The following PREX1 variants were observed in gnomAD, a reference collection of about 807,000 sequenced individuals.
The protein encoded by PREX1 is phosphatidylinositol-3,4,5-trisphosphate dependent Rac exchange factor 1.
In PREX1, 41 loss-of-function variants were observed where a neutral mutation model predicts 198.3. The observed-to-expected ratio is 0.21, with a 90% CI of 0.16 to 0.27. The LOEUF (loss-of-function observed/expected upper bound fraction) is 0.27. Among genes scored for constraint, PREX1 ranks in the 10% least tolerant of loss-of-function variants. The pLI, the probability that PREX1 is intolerant of heterozygous loss-of-function variation, is 1.00. For missense variants in PREX1, 1,620 were observed against 2,200.7 expected (o/e 0.74, Z 5.28); for synonymous variants, 843 against 887.2 (o/e 0.95, Z 0.89).
At chr20:48,730,009 G>A (rs73911662) in intron 4 of PREX1, among the ~76,000 whole-genome samples, 10,988 of 152,128 alleles carry the variant, frequency 0.072, 462 homozygotes, top group Middle Eastern at 0.14. Context: ...GCTGCCACAA[G>A]CCAGGGAGCA....
At chr20:48,701,876 G>C (rs768083861) in intron 6 of PREX1, among the ~76,000 whole-genome samples, 1 of 152,116 alleles carries the variant, frequency 6.6e-6, no homozygotes, top group Non-Finnish European at 1.5e-5. Context: ...GCGTGGCTGG[G>C]AAAGGCATCA....
At chr20:48,635,416 C>T (rs2089354658) in intron 32 of PREX1, among the ~76,000 whole-genome samples, 1 of 152,228 alleles carries the variant, frequency 6.6e-6, no homozygotes, top group Admixed American at 6.5e-5. Context: ...AATTATATCA[C>T]TCACCCAGCT....
intron 14 of PREX1, 141 bp downstream of exon 14, chr20:48,676,052 A>AG: frequency 1.1e-6 from 1 of 890,246 alleles, no homozygotes; most frequent in Non-Finnish European, 1.7e-6. Context: ...AAAAAAAAAA[A>AG]AGATCAAGAT....
chr20:48,710,143 T>C (rs1287686368), intron 5 of PREX1, among the ~76,000 whole-genome samples: 2 of 152,286 alleles, frequency 1.3e-5, no homozygotes, highest in South Asian at 2.1e-4. Context: ...AGCAGCACCA[T>C]ATCCTGAAAA....
chr20:48,691,227 C>T lies in PREX1; in HGVS notation c.1037-131G>A. On this transcript the variant is annotated intron_variant, in intron 8 of 39. Coordinates refer to ENST00000371941, the MANE Select transcript of PREX1 (RefSeq NM_020820.4). This position sits in a 1 kb window ranked among gnomAD's most constrained non-coding sequence, Gnocchi z 5.0. ...GGATCAGGATGGGGAGCTGGACTTCCAGCCCTTCAAACGCTCACTTCTTAT... is the reference window on the plus strand; with the variant it reads ...GGATCAGGATGGGGAGCTGGACTTCTAGCCCTTCAAACGCTCACTTCTTAT... 8.6e-7 allele frequency: 1 copy of T among 1,160,226 alleles called. No homozygotes were observed. The highest frequency in any genetic ancestry group is 1.2e-6 in the Non-Finnish European group (1 of 802,258). The allele number at this position is 1,160,226 out of a possible 1,614,324, so 71.9% of individuals were successfully genotyped here.
chr20:48,656,914 G>T, intron 18 of PREX1, 126 bp downstream of exon 18: 1 of 1,243,270 alleles, frequency 8.0e-7, no homozygotes, highest in South Asian at 1.5e-5. Context: ...GGTCCAGCTT[G>T]TGTTGTGTGA....
At chr20:48,777,689 G>A (rs1471443853) in intron 1 of PREX1, among the ~76,000 whole-genome samples, 5 of 152,134 alleles carry the variant, frequency 3.3e-5, no homozygotes, top group Admixed American at 1.3e-4. Context: ...GCTTGGGGCC[G>A]GCAGCTGTAC....
chr20:48,769,744 A>G (rs886327650), intron 1 of PREX1, among the ~76,000 whole-genome samples: 6 of 151,866 alleles, frequency 4.0e-5, no homozygotes, highest in African/African-American at 1.5e-4. Context: ...CTCAAACGTC[A>G]CCTCCTCAGT....
intron 11 of PREX1, among the ~76,000 whole-genome samples, chr20:48,680,974 C>A (rs1357946598): frequency 6.6e-6 from 1 of 152,186 alleles, no homozygotes; most frequent in Non-Finnish European, 1.5e-5. Context: ...AAAACTTAAC[C>A]AAATGGTTCT....
chr20:48,820,235 G>A (rs1212252808), intron 1 of PREX1, among the ~76,000 whole-genome samples: 1 of 152,236 alleles, frequency 6.6e-6, no homozygotes, highest in East Asian at 1.9e-4. Flanking sequence ...GAAGGCTGGA[G>A]GGCTCTGCTT....
At chr20:48,871,885 C>T in the PREX1 span, among the ~76,000 whole-genome samples, 1 of 151,736 alleles carries the variant, frequency 6.6e-6, no homozygotes, top group African/African-American at 2.4e-5. Flanking sequence ...CTCGGCCGGG[C>T]GTGGTGGTTC....
At chr20:48,629,213 C>T (rs1198312745) in intron 37 of PREX1, among the ~76,000 whole-genome samples, 1 of 152,200 alleles carries the variant, frequency 6.6e-6, no homozygotes. Context: ...CTCTCACACA[C>T]ACTCACTACG....
chr20:48,796,702 G>T (rs1298430111), intron 1 of PREX1, among the ~76,000 whole-genome samples: 1 of 150,272 alleles, frequency 6.7e-6, no homozygotes, highest in African/African-American at 2.4e-5. Context: ...ATATAACATA[G>T]ATGTGATATA....
the PREX1 span, among the ~76,000 whole-genome samples, chr20:48,854,458 G>C: frequency 3.9e-5 from 6 of 152,122 alleles, no homozygotes; most frequent in Non-Finnish European, 8.8e-5. Context: ...CTACTTGGGA[G>C]GCTGAGGTGG....
rs762735819 is a variant in PREX1 at position 48,653,456 on chromosome 20, T to G, written c.2251A>C (p.Ile751Leu). The change falls in exon 20 of 40, where the codon ATT becomes CTT. Residue 751 changes from isoleucine (I) to leucine (L), a missense_variant. Ile to Leu is a conservative substitution (Grantham distance 5, BLOSUM62 2). Transcript: ENST00000371941. ...ACGTTGCTGCCATTGACCTTCAGAATGCACTGACCAGCACAGAGCCCTGCA... is the reference window on the plus strand; with the variant it reads ...ACGTTGCTGCCATTGACCTTCAGAAGGCACTGACCAGCACAGAGCCCTGCA... The part of the protein sequence containing the change: ...MAAGLCAGQC[I>L]LKVNGSNVMN... 6.2e-7 allele frequency: 1 copy of G among 1,613,834 alleles called. No homozygotes were observed. The highest frequency in any genetic ancestry group is 1.1e-5 in the South Asian group (1 of 91,088).
chr20:48,855,331 G>T, the PREX1 span, among the ~76,000 whole-genome samples: 1 of 152,004 alleles, frequency 6.6e-6, no homozygotes, highest in Non-Finnish European at 1.5e-5. Flanking sequence ...TTTTGGTTTT[G>T]GTTTTAATAA....
chr20:48,657,287 C>T, intron 17 of PREX1, 99 bp from the exon 18 acceptor site: 1 of 1,394,066 alleles, frequency 7.2e-7, no homozygotes, highest in Admixed American at 1.9e-5. Flanking sequence ...AGGGTGCTGG[C>T]CCAAGGGATC....
the PREX1 span, among the ~76,000 whole-genome samples, chr20:48,872,447 C>T: frequency 3.3e-5 from 5 of 152,144 alleles, no homozygotes; most frequent in South Asian, 4.1e-4. Flanking sequence ...TTTTACAAGA[C>T]AGAACAAGAT....
chr20:48,676,058 A>C, intron 14 of PREX1, 135 bp downstream of exon 14: 1 of 908,516 alleles, frequency 1.1e-6, no homozygotes, highest in Non-Finnish European at 1.7e-6. Flanking sequence ...AAAAAAGATC[A>C]AGATGGTAAA....
Sources: allele counts gnomAD v4.1 joint callset (sites outside exome capture counted in the v4.1 genomes callset), GRCh38; gene constraint gnomAD v4.1.1; non-coding constraint Gnocchi (gnomAD v3.1); transcripts MANE v1.5; gene names NCBI Gene and HGNC (gene_info 2026-07-23, HGNC 2026-07-21).